The following CMSS1 variants were observed in gnomAD, a reference collection of about 807,000 sequenced individuals.
The protein encoded by CMSS1 is cms1 ribosomal small subunit homolog.
CMSS1 carries 33 observed loss-of-function variants against 43.5 expected under a neutral mutation model. That is an observed-to-expected ratio of 0.76 (90% CI 0.57 to 1.01). The LOEUF is 1.01. Among genes scored for constraint, CMSS1 ranks in the 50% least tolerant of loss-of-function variants. The pLI, the probability that CMSS1 is intolerant of heterozygous loss-of-function variation, is 0.00. For missense variants in CMSS1, 313 were observed against 326.4 expected (o/e 0.96, Z 0.32); for synonymous variants, 115 against 117.2 (o/e 0.98, Z 0.12).
chr3:100,096,692 G>C (rs943882612), intron 1 of CMSS1, among the ~76,000 whole-genome samples: 2 of 151,818 alleles, frequency 1.3e-5, no homozygotes, highest in African/African-American at 4.8e-5. Flanking sequence ...AATAACACCA[G>C]GTATTTGATA....
At chr3:99,968,387 A>G (rs922366021) in intron 1 of CMSS1, among the ~76,000 whole-genome samples, 7 of 152,048 alleles carry the variant, frequency 4.6e-5, no homozygotes, top group African/African-American at 1.7e-4. Context: ...TTACTGTTGA[A>G]TAGTAGTATG....
chr3:99,973,232 A>T (rs933203217), intron 1 of CMSS1, among the ~76,000 whole-genome samples: 27 of 152,062 alleles, frequency 1.8e-4, no homozygotes, highest in Admixed American at 2.6e-4. Flanking sequence ...ATGAATAAAA[A>T]TTTTTTTTCT....
intron 1 of CMSS1, among the ~76,000 whole-genome samples, chr3:100,065,593 T>A (rs1296973928): frequency 1.3e-5 from 2 of 152,156 alleles, no homozygotes; most frequent in African/African-American, 2.4e-5. Flanking sequence ...TACTCTTTCT[T>A]CCTAATGAAA....
At chr3:99,925,792 A>G (rs1707274610) in intron 1 of CMSS1, 1 of 934,798 alleles carries the variant, frequency 1.1e-6, no homozygotes, top group Non-Finnish European at 1.3e-6. Context: ...AGAACCAGGC[A>G]GTAAAGAACA....
At chr3:100,139,876 T>A (rs1266728337) in intron 1 of CMSS1, among the ~76,000 whole-genome samples, 1 of 151,288 alleles carries the variant, frequency 6.6e-6, no homozygotes, top group African/African-American at 2.4e-5. Flanking sequence ...CATTTGTTTA[T>A]ACACTGCCTA....
At position 99,830,330 on chromosome 3, in the gene CMSS1, G is replaced by T. The variant is rs1942628945; in HGVS notation, c.64+12287G>T. 29 of 353,130 alleles carry T rather than the reference G, an allele frequency of 8.2e-5. No homozygotes were observed. In the Middle Eastern group the frequency reaches 3.1e-3, roughly 38 times the overall value. The allele number at this position is 353,130 out of a possible 1,614,324, so 21.9% of individuals were successfully genotyped here. ...CTGCTTCACCATTTCCTGGAGAGAT[G>T]GTCCTTTGGCCTTTCATAGTGGTAA... On this transcript the variant is annotated intron_variant, in intron 1 of 9. Coordinates refer to ENST00000421999, the MANE Select transcript of CMSS1 (RefSeq NM_032359.4).
chr3:100,178,470 G>A lies in CMSS1; in HGVS notation c.*82G>A, dbSNP rs2067166149. The A allele has an allele frequency of 1.3e-6, 1 of 786,252 alleles. No homozygotes were observed. Among genetic ancestry groups the A allele is most frequent in the African/African-American group, 1.7e-5 (1 of 57,548 alleles). The allele number at this position is 786,252 out of a possible 1,614,324, so 48.7% of individuals were successfully genotyped here. A position where few individuals can be genotyped will look rare whatever the true frequency, so the allele number is the denominator to read the frequency against. ...GACTCTGATACATTGCAAGCACTCA[G>A]TAAATATCAGCAAATAGTTTATGTT... On this transcript the variant is annotated 3_prime_UTR_variant, in exon 10 of 10. Coordinates refer to ENST00000421999, the MANE Select transcript of CMSS1 (RefSeq NM_032359.4).
chr3:99,876,401 G>A (rs1705524054), intron 1 of CMSS1, among the ~76,000 whole-genome samples: 1 of 152,168 alleles, frequency 6.6e-6, no homozygotes, highest in Non-Finnish European at 1.5e-5. Context: ...CGGTGGGCCG[G>A]GGCGCCGGCG....
chr3:100,045,598 A>G (rs1171136534), intron 1 of CMSS1, among the ~76,000 whole-genome samples: 1 of 152,102 alleles, frequency 6.6e-6, no homozygotes, highest in East Asian at 1.9e-4. Flanking sequence ...TTTGGACCCA[A>G]ATGATTTCTG....
chr3:100,066,383 G>T (rs76110559), intron 1 of CMSS1, among the ~76,000 whole-genome samples: 1 of 152,066 alleles, frequency 6.6e-6, no homozygotes, highest in African/African-American at 2.4e-5. Context: ...AATTCTTATG[G>T]AACTGGATTG....
chr3:100,127,461 T>C (rs543693007), intron 1 of CMSS1, among the ~76,000 whole-genome samples: 8 of 152,294 alleles, frequency 5.3e-5, no homozygotes, highest in Admixed American at 3.9e-4. Context: ...CCTTAGCTGT[T>C]CCAGGGCTAG....
intron 1 of CMSS1, among the ~76,000 whole-genome samples, chr3:99,876,400 G>A (rs1705523916): frequency 6.6e-6 from 1 of 152,150 alleles, no homozygotes; most frequent in Admixed American, 6.5e-5. Context: ...CCGGTGGGCC[G>A]GGGCGCCGGC....
chr3:99,962,083 G>T (rs572898194), intron 1 of CMSS1, among the ~76,000 whole-genome samples: 85 of 152,272 alleles, frequency 5.6e-4, no homozygotes, highest in Admixed American at 1.0e-3. Context: ...AGAGTACTAT[G>T]AGTTACCCAA....
intron 1 of CMSS1, among the ~76,000 whole-genome samples, chr3:99,901,243 T>C (rs947785297): frequency 6.6e-6 from 1 of 152,334 alleles, no homozygotes; most frequent in African/African-American, 2.4e-5. Flanking sequence ...GGATAGTACC[T>C]TCCTTTAGAG....
At chr3:99,932,077 A>G (rs2107664484) in intron 1 of CMSS1, among the ~76,000 whole-genome samples, 1 of 152,348 alleles carries the variant, frequency 6.6e-6, no homozygotes, top group African/African-American at 2.4e-5. Flanking sequence ...GCTACCACAC[A>G]AATTTATAAA....
chr3:99,947,508 A>AC (rs1291519604), intron 1 of CMSS1, among the ~76,000 whole-genome samples: 1 of 152,112 alleles, frequency 6.6e-6, no homozygotes, highest in Non-Finnish European at 1.5e-5. Context: ...TCCAGAAGGG[A>AC]CCCAGAGCTA....
intron 1 of CMSS1, among the ~76,000 whole-genome samples, chr3:99,819,573 G>A (rs958662654): frequency 6.6e-6 from 1 of 152,122 alleles, no homozygotes; most frequent in Non-Finnish European, 1.5e-5. Flanking sequence ...AAGTTAAGTC[G>A]TGTTCTTAGG....
intron 1 of CMSS1, chr3:99,931,088 AC>A: frequency 1.4e-6 from 2 of 1,387,734 alleles, no homozygotes; most frequent in East Asian, 4.6e-5. Flanking sequence ...TAATAAGAGT[AC>A]CTATTACTGC....
At chr3:99,896,270 A>G (rs1559679779) in intron 1 of CMSS1, among the ~76,000 whole-genome samples, 1 of 152,220 alleles carries the variant, frequency 6.6e-6, no homozygotes, top group Non-Finnish European at 1.5e-5. Context: ...AATGGAAACT[A>G]TAGGAGGAAA....
Sources: gnomAD v4.1 joint callset for allele counts (sites outside exome capture counted in the v4.1 genomes callset) on GRCh38, gnomAD v4.1.1 for gene constraint, MANE v1.5 for transcripts, NCBI Gene and HGNC (gene_info 2026-07-23, HGNC 2026-07-21) for gene names.